Variants in SLC45A4 observed in about 807,000 individuals in gnomAD.
SLC45A4 encodes the protein polyamine-transporter SLC45A4.
In SLC45A4, 32 loss-of-function variants were observed where a neutral mutation model predicts 63.7. That is an observed-to-expected ratio of 0.50 (90% CI 0.38 to 0.67). SLC45A4 has a LOEUF of 0.67. SLC45A4 is among the 30% of genes least tolerant of loss of function. SLC45A4 has a pLI of 0.00. For synonymous variants in SLC45A4, 535 were observed against 510.0 expected, an observed-to-expected ratio of 1.05 and a Z score of -0.66; for missense variants, 1,027 against 1,157.7, an observed-to-expected ratio of 0.89 and a Z score of 1.64.
rs551785844 is a variant in SLC45A4 at position 141,254,652 on chromosome 8, G to A, written c.-400-23C>T. 2.1e-4 allele frequency: 144 copies of A among 697,132 alleles called. No individual in the cohort carries two copies. The highest frequency in any genetic ancestry group is 2.1e-3 in the African/African-American group (118 of 57,230). The allele number at this position is 697,132 out of a possible 1,614,324, so 43.2% of individuals were successfully genotyped here. On this transcript the variant is annotated intron_variant, in intron 1 of 8. Coordinates refer to ENST00000517878, the MANE Select transcript of SLC45A4 (RefSeq NM_001286646.2). This position sits in a 1 kb window ranked among gnomAD's most constrained non-coding sequence, Gnocchi z 4.5. Reference sequence around the variant, plus strand: ...GATCTGCAAAAGAGGAAAACAACCCGGCCAGAGAGTCAGGGGACGGCCACC... The same window carrying A: ...GATCTGCAAAAGAGGAAAACAACCCAGCCAGAGAGTCAGGGGACGGCCACC...
chr8:141,256,326 G>A lies in SLC45A4; in HGVS notation c.-400-1697C>T. The A allele has an allele frequency of 2.9e-6, 1 of 340,376 alleles. No homozygotes were observed. Among genetic ancestry groups the A allele is most frequent in the South Asian group, 2.3e-5 (1 of 44,396 alleles). The allele number at this position is 340,376 out of a possible 1,614,324, so 21.1% of individuals were successfully genotyped here. ...ACAGTTTATATTAAGGTAGGTCTAT[G>A]GGCCAATACCTTACTGAGAATTTTT... On this transcript the variant is annotated intron_variant, in intron 1 of 8. Coordinates refer to ENST00000517878, the MANE Select transcript of SLC45A4 (RefSeq NM_001286646.2). This position sits in a 1 kb window ranked among gnomAD's most constrained non-coding sequence, Gnocchi z 4.3.
chr8:141,214,696 T>C (rs898583711), intron 7 of SLC45A4, among the ~76,000 whole-genome samples: 3 of 152,188 alleles, frequency 2.0e-5, no homozygotes, highest in Non-Finnish European at 4.4e-5. Context: ...ATTACAAAAC[T>C]AGTGAGAGAC....
intron 2 of SLC45A4, among the ~76,000 whole-genome samples, chr8:141,241,581 A>G (rs1258858368): frequency 7.3e-6 from 1 of 137,130 alleles, no homozygotes; most frequent in Non-Finnish European, 1.7e-5. Context: ...GAAAAAAAAA[A>G]GAAAAACAGC....
chr8:141,306,998 G>A (rs1255455674), intron 1 of SLC45A4, among the ~76,000 whole-genome samples: 2 of 152,238 alleles, frequency 1.3e-5, no homozygotes, highest in African/African-American at 2.4e-5. Context: ...GGGGTCAGTG[G>A]CTAGGTCTGT....
intron 1 of SLC45A4, among the ~76,000 whole-genome samples, chr8:141,273,012 T>C (rs1829598167): frequency 6.6e-6 from 1 of 152,212 alleles, no homozygotes; most frequent in Non-Finnish European, 1.5e-5. Context: ...AAACAAACTG[T>C]TACCTAAATG....
chr8:141,221,300 A>G (rs1826611784), intron 3 of SLC45A4, among the ~76,000 whole-genome samples: 1 of 152,284 alleles, frequency 6.6e-6, no homozygotes, highest in Non-Finnish European at 1.5e-5. Context: ...TTTCTGAAAG[A>G]ATGCTGGAAA....
Position 141,254,707 on chromosome 8 carries a change from C to A in SLC45A4, c.-400-78G>T, listed in dbSNP as rs1036725830. 2 of 691,146 alleles carry A rather than the reference C, an allele frequency of 2.9e-6. No homozygotes were observed. Among genetic ancestry groups the A allele is most frequent in the Non-Finnish European group, 2.6e-6 (1 of 378,102 alleles). The allele number at this position is 691,146 out of a possible 1,614,324, so 42.8% of individuals were successfully genotyped here. A position where few individuals can be genotyped will look rare whatever the true frequency, so the allele number is the denominator to read the frequency against. Reference sequence around the variant, plus strand: ...GGCCCTGTGGACCGCCGCCCGACCCCCGAGCAAGCCGTGTGCCCCGAGGGC... The same window carrying A: ...GGCCCTGTGGACCGCCGCCCGACCCACGAGCAAGCCGTGTGCCCCGAGGGC... On this transcript the variant is annotated intron_variant, in intron 1 of 8. Transcript: ENST00000517878. The surrounding 1 kb of genome is among the most constrained non-coding windows in gnomAD (Gnocchi z 4.5).
At chr8:141,231,397 C>G (rs947180186) in intron 2 of SLC45A4, among the ~76,000 whole-genome samples, 1 of 152,212 alleles carries the variant, frequency 6.6e-6, no homozygotes. Flanking sequence ...TTGGTCCAAC[C>G]TAGTACTCCC....
intron 7 of SLC45A4, among the ~76,000 whole-genome samples, chr8:141,214,192 C>CA (rs11292288): frequency 0.068 from 5,034 of 73,916 alleles, 299 homozygotes; most frequent in African/African-American, 0.19. Flanking sequence ...ACTCTGTCTC[C>CA]AAAAAAAAAA....
At position 141,218,574 on chromosome 8, in the gene SLC45A4, G is replaced by T; in HGVS notation, c.1066C>A (p.Leu356Met). ...TTGAGGAAGGTGGCCAGGCGGGGCA[G>T]CTTGGTCTTGGCGAGCTCCTGGCTG... is the stretch of plus-strand genomic sequence containing the variant. ...STSQELAKTK[L>M]PRLATFLKEA... The change falls in exon 5 of 9, where the codon CTG becomes ATG. Residue 356 changes from leucine to methionine, a missense_variant. Transcript: ENST00000517878. The T allele has an allele frequency of 6.2e-7, 1 of 1,613,552 alleles. No individual in the cohort carries two copies.
At chr8:141,299,512 G>A (rs1196084283) in intron 1 of SLC45A4, among the ~76,000 whole-genome samples, 2 of 152,148 alleles carry the variant, frequency 1.3e-5, no homozygotes, top group African/African-American at 4.8e-5. Context: ...CCCTTCAAAT[G>A]GGCACGGTTA....
chr8:141,301,761 A>AAAAAAAAAAAAAAC (rs1830752524), intron 1 of SLC45A4, among the ~76,000 whole-genome samples: 1 of 124,826 alleles, frequency 8.0e-6, no homozygotes, highest in African/African-American at 2.9e-5. Context: ...AAAAAAAAAA[A>AAAAAAAAAAAAAAC]ATCCTGGGCA....
At position 141,264,675 on chromosome 8, in the gene SLC45A4, G is replaced by A. The variant is rs181515920; in HGVS notation, c.-400-10046C>T. Among the ~76,000 whole-genome samples the A allele has an allele frequency of 5.9e-5, 9 of 152,324 alleles. No individual in the cohort carries two copies. The East Asian group carries it at 7.7e-4, about 13-fold the overall frequency. On this transcript the variant is annotated intron_variant, in intron 1 of 8. Transcript: ENST00000517878. ...AGTCGTTCTCTCCAAGAACAACAGCGCTCCTGCACCTGTCCAAGTCCACCC... is the reference window on the plus strand; with the variant it reads ...AGTCGTTCTCTCCAAGAACAACAGCACTCCTGCACCTGTCCAAGTCCACCC...
chr8:141,229,946 C>T lies in SLC45A4; in HGVS notation c.242-8181G>A. ...GGTGCGCACAGCTCAGCGCTGGACA[C>T]TAGATCCCTGCCTGCACTCCCGAGG... is the stretch of plus-strand genomic sequence containing the variant. On this transcript the variant is annotated intron_variant, in intron 2 of 8. Coordinates refer to ENST00000517878, the MANE Select transcript of SLC45A4 (RefSeq NM_001286646.2). This position sits in a 1 kb window ranked among gnomAD's most constrained non-coding sequence, Gnocchi z 5.0. 2.4e-6 allele frequency: 1 copy of T among 417,750 alleles called. No homozygotes were observed. Among genetic ancestry groups the T allele is most frequent in the Non-Finnish European group, 4.8e-6 (1 of 208,008 alleles). The allele number at this position is 417,750 out of a possible 1,614,324, so 25.9% of individuals were successfully genotyped here. A position where few individuals can be genotyped will look rare whatever the true frequency, so the allele number is the denominator to read the frequency against.
At chr8:141,294,560 G>A (rs1830473158) in intron 1 of SLC45A4, among the ~76,000 whole-genome samples, 1 of 152,218 alleles carries the variant, frequency 6.6e-6, no homozygotes, top group Non-Finnish European at 1.5e-5. Context: ...TCCCCAGAGC[G>A]GTCCCCTCAC....
At chr8:141,217,211 G>A (rs748627731) in intron 5 of SLC45A4, 22 bp from the exon 6 acceptor site, 5 of 1,609,694 alleles carry the variant, frequency 3.1e-6, no homozygotes, top group Non-Finnish European at 4.2e-6. Context: ...ATGAGACGGG[G>A]GCTGACGAGG....
At chr8:141,246,150 C>T (rs1158391355) in intron 2 of SLC45A4, among the ~76,000 whole-genome samples, 2 of 152,146 alleles carry the variant, frequency 1.3e-5, no homozygotes, top group Non-Finnish European at 2.9e-5. Flanking sequence ...CCCCTTCTAC[C>T]AAGATGAGGA....
At chr8:141,267,042 C>T (rs901028669) in intron 1 of SLC45A4, among the ~76,000 whole-genome samples, 4 of 152,242 alleles carry the variant, frequency 2.6e-5, no homozygotes, top group Non-Finnish European at 4.4e-5. Context: ...CCCAGGACAG[C>T]GGTGGGCAGG....
At chr8:141,265,303 C>T (rs1000284652) in intron 1 of SLC45A4, among the ~76,000 whole-genome samples, 2 of 152,234 alleles carry the variant, frequency 1.3e-5, no homozygotes, top group African/African-American at 4.8e-5. Context: ...GAAATCCTTC[C>T]CTTCACGGCC....
Sources: gnomAD v4.1 joint callset for allele counts (sites outside exome capture counted in the v4.1 genomes callset) on GRCh38, gnomAD v4.1.1 for gene constraint, Gnocchi (gnomAD v3.1) non-coding constraint, MANE v1.5 for transcripts, NCBI Gene and HGNC (gene_info 2026-07-23, HGNC 2026-07-21) for gene names.